Variants in ASH1L observed in about 807,000 individuals in gnomAD.
ASH1L encodes the protein histone-lysine N-methyltransferase ASH1L.
In ASH1L, 23 loss-of-function variants were observed where a neutral mutation model predicts 269.0. The ratio of observed to expected loss-of-function variants is 0.09; its 90% CI spans 0.06 to 0.12. ASH1L has a LOEUF of 0.12. ASH1L is among the 10% of genes least tolerant of loss of function. The pLI, the probability that ASH1L is intolerant of heterozygous loss-of-function variation, is 1.00. For synonymous variants in ASH1L, 1,187 were observed against 1,253.5 expected (o/e 0.95, Z 1.12); for missense variants, 2,912 against 3,567.8 (o/e 0.82, Z 4.68).
At chr1:155,461,659 CT>C (rs1664309919) in intron 3 of ASH1L, among the ~76,000 whole-genome samples, 1 of 152,026 alleles carries the variant, frequency 6.6e-6, no homozygotes. Context: ...ATACTGAAAA[CT>C]TAATATACAG....
intron 7 of ASH1L, among the ~76,000 whole-genome samples, chr1:155,385,227 G>A (rs1396438927): frequency 6.6e-6 from 1 of 152,154 alleles, no homozygotes. Flanking sequence ...CAGATCACTT[G>A]AGGTCAGGAG....
chr1:155,341,850 A>G (rs1558012381), intron 25 of ASH1L, 86 bp downstream of exon 25: 18 of 1,392,222 alleles, frequency 1.3e-5, no homozygotes, highest in Non-Finnish European at 1.8e-5. Context: ...AGAAGCAGAG[A>G]ACTACGTGAA....
intron 3 of ASH1L, among the ~76,000 whole-genome samples, chr1:155,463,855 A>G (rs1203169906): frequency 6.6e-6 from 1 of 152,172 alleles, no homozygotes; most frequent in Non-Finnish European, 1.5e-5. Flanking sequence ...GGGAGCTAGA[A>G]CTAACCTATT....
Position 155,562,425 on chromosome 1 carries a change from AGCG to A in ASH1L, c.-375_-373del, listed in dbSNP as rs757359444. The stretch of plus-strand genomic sequence containing the variant: ...AAAGCGAACCCAAAATGGCGGCGGG[AGCG>A]GCGGCGGCGGCGGCGGCAGCAGCAG... On this transcript the variant is annotated 5_prime_UTR_variant, in exon 1 of 28. Transcript: ENST00000392403. The A allele has an allele frequency of 6.6e-4, 964 of 1,465,046 alleles. No individual in the cohort carries two copies. The highest frequency in any genetic ancestry group is 7.9e-4 in the Non-Finnish European group (859 of 1,081,380). The allele number at this position is 1,465,046 out of a possible 1,614,324, so 90.8% of individuals were successfully genotyped here.
rs1383265101 is a variant in ASH1L at position 155,347,898 on chromosome 1, A to G, written c.7561T>C (p.Tyr2521His). The change falls in exon 20 of 28, where the codon TAT becomes CAT. Residue 2521 changes from tyrosine (Y) to histidine (H), a missense_variant. Around this residue, in one of 13 missense-constraint regions of ASH1L, gnomAD observed 309 missense variants for 435.1 expected, o/e 0.71. Transcript: ENST00000392403. Reference protein sequence around the residue: ...LKVFRNAEKYYGRKSPVGRDV... With the variant: ...LKVFRNAEKYHGRKSPVGRDV... ...CTCCCAACTGGGGATTTACGCCCAT[A>G]GTACTTCTGAAGAAAGCAAATAAAG... 6.2e-7 allele frequency: 1 copy of G among 1,613,998 alleles called. No homozygotes were observed. The highest frequency in any genetic ancestry group is 1.7e-5 in the Admixed American group (1 of 60,010).
At position 155,478,363 on chromosome 1, in the gene ASH1L, C is replaced by T; in HGVS notation, c.4507G>A (p.Asp1503Asn). The change falls in exon 3 of 28, where the codon GAC (aspartate) becomes AAC (asparagine). Residue 1503 changes from aspartate (D) to asparagine (N), a missense_variant. Coordinates refer to ENST00000392403, the MANE Select transcript of ASH1L (RefSeq NM_018489.3). This position sits in a 1 kb window ranked among gnomAD's most constrained non-coding sequence, Gnocchi z 4.6. ...RSSEQPQVSM[D>N]TGSSRSVLES... ...AGGACAGATCGGGAAGAGCCAGTGT[C>T]CATAGAAACCTGGGGTTGTTCAGAA... The T allele has an allele frequency of 1.9e-6, 3 of 1,614,028 alleles. No homozygotes were observed. The South Asian group carries it at 3.3e-5, about 18-fold the overall frequency.
intron 1 of ASH1L, among the ~76,000 whole-genome samples, chr1:155,551,529 G>A (rs1242554586): frequency 7.3e-5 from 11 of 149,692 alleles, no homozygotes; most frequent in African/African-American, 1.7e-4. Context: ...GCGTAGTGGC[G>A]GGCGCCTGTA....
intron 1 of ASH1L, among the ~76,000 whole-genome samples, chr1:155,538,902 A>C (rs1670239390): frequency 6.6e-6 from 1 of 152,086 alleles, no homozygotes; most frequent in African/African-American, 2.4e-5. Context: ...ATATCTTTAC[A>C]AAGTTTAATC....
At chr1:155,462,251 C>CT (rs1420353606) in intron 3 of ASH1L, among the ~76,000 whole-genome samples, 1 of 152,182 alleles carries the variant, frequency 6.6e-6, no homozygotes, top group African/African-American at 2.4e-5. Flanking sequence ...AAGGAGCTTA[C>CT]TAATCATCGT....
chr1:155,370,694 G>GA (rs1655868755), intron 11 of ASH1L, 44 bp from the exon 12 acceptor site: 1 of 1,612,064 alleles, frequency 6.2e-7, no homozygotes, highest in South Asian at 1.1e-5. Context: ...AAGAGTAGCT[G>GA]AAAGTAAATT....
intron 5 of ASH1L, among the ~76,000 whole-genome samples, chr1:155,428,322 T>C (rs755042396): frequency 7.0e-6 from 1 of 142,426 alleles, no homozygotes; most frequent in Non-Finnish European, 1.5e-5. Context: ...GCGCCTCTAA[T>C]CCCAGCTACT....
At chr1:155,380,223 T>A in intron 7 of ASH1L, 107 bp from the exon 8 acceptor site, 1 of 752,318 alleles carries the variant, frequency 1.3e-6, no homozygotes, top group Non-Finnish European at 2.1e-6. Flanking sequence ...AAAATAAAGA[T>A]TTAATTCTTT....
At chr1:155,413,440 T>C (rs1659960592) in intron 6 of ASH1L, among the ~76,000 whole-genome samples, 1 of 152,158 alleles carries the variant, frequency 6.6e-6, no homozygotes, top group African/African-American at 2.4e-5. Flanking sequence ...AGCCCATCTC[T>C]ACTAAAATTA....
intron 6 of ASH1L, among the ~76,000 whole-genome samples, chr1:155,407,907 T>C (rs191482148): frequency 6.6e-6 from 1 of 152,268 alleles, no homozygotes; most frequent in African/African-American, 2.4e-5. Context: ...AATATCTAAA[T>C]GGACAGTTGC....
chr1:155,341,390 A>C (rs1034765935), intron 25 of ASH1L, among the ~76,000 whole-genome samples: 1 of 152,050 alleles, frequency 6.6e-6, no homozygotes, highest in Admixed American at 6.6e-5. Flanking sequence ...GTTAGCCAGG[A>C]TGGTCTTGAT....
intron 5 of ASH1L, among the ~76,000 whole-genome samples, chr1:155,431,644 C>G (rs928813561): frequency 1.3e-5 from 2 of 152,008 alleles, no homozygotes; most frequent in Non-Finnish European, 2.9e-5. Flanking sequence ...GCCTGCAGTC[C>G]CAGCCACTGT....
At chr1:155,361,301 G>A (rs896871961) in intron 12 of ASH1L, among the ~76,000 whole-genome samples, 6 of 150,346 alleles carry the variant, frequency 4.0e-5, no homozygotes, top group South Asian at 2.1e-4. Context: ...GGCAGATCAC[G>A]AAGTCAGGAG....
chr1:155,433,689 C>A, intron 5 of ASH1L: 1 of 1,599,608 alleles, frequency 6.3e-7, no homozygotes, highest in Non-Finnish European at 8.5e-7. Context: ...GTGGGGCTCA[C>A]CCTGGGGGTT....
At chr1:155,384,721 T>G (rs915087055) in intron 7 of ASH1L, among the ~76,000 whole-genome samples, 1 of 152,110 alleles carries the variant, frequency 6.6e-6, no homozygotes, top group East Asian at 1.9e-4. Context: ...TGTACTGAAA[T>G]GTGATTATGT....
Sources: allele counts gnomAD v4.1 joint callset (sites outside exome capture counted in the v4.1 genomes callset), GRCh38; gene constraint gnomAD v4.1.1; regional missense constraint gnomAD v4.1.1; non-coding constraint Gnocchi (gnomAD v3.1); transcripts MANE v1.5; gene names NCBI Gene and HGNC (gene_info 2026-07-23, HGNC 2026-07-21).